The following LPCAT2 variants were observed in gnomAD, a reference collection of about 807,000 sequenced individuals.
The protein encoded by LPCAT2 is lysophosphatidylcholine acyltransferase 2.
A neutral mutation model predicts 64.7 loss-of-function variants in LPCAT2; 58 were observed. That is an observed-to-expected ratio of 0.90 (90% CI 0.73 to 1.12). The LOEUF is 1.12. LPCAT2 is among the 50% of genes most tolerant of loss of function. LPCAT2 has a pLI of 0.00. For synonymous variants in LPCAT2, 252 were observed against 245.3 expected, an observed-to-expected ratio of 1.03 and a Z score of -0.26; for missense variants, 579 against 669.8, an observed-to-expected ratio of 0.86 and a Z score of 1.50.
chr16:55,569,985 A>G (rs1158289609), intron 11 of LPCAT2, among the ~76,000 whole-genome samples: 2 of 152,344 alleles, frequency 1.3e-5, no homozygotes, highest in South Asian at 2.1e-4. Context: ...TATAATTCAT[A>G]TAACTCCATG....
In LPCAT2 at chr16:55,584,427, T is replaced by C. The variant is rs1223081707; in HGVS notation, c.*1329T>C. On this transcript the variant is annotated 3_prime_UTR_variant, in exon 14 of 14. Coordinates refer to ENST00000262134, the MANE Select transcript of LPCAT2 (RefSeq NM_017839.5). ...CCCAGGCAGGAATCCAACAGTAACATTTTTCCTTTAGGTTAAGCAGTAATT... is the reference window on the plus strand; with the variant it reads ...CCCAGGCAGGAATCCAACAGTAACACTTTTCCTTTAGGTTAAGCAGTAATT... The C allele has an allele frequency of 6.6e-6, 1 of 152,188 alleles. No homozygotes were observed. Among genetic ancestry groups the C allele is most frequent in the African/African-American group, 2.4e-5 (1 of 41,448 alleles). 9.4% of individuals were successfully genotyped at this position (152,188 alleles called of 1,614,324 possible).
intron 11 of LPCAT2, among the ~76,000 whole-genome samples, chr16:55,563,098 G>A (rs530123752): frequency 1.3e-5 from 2 of 151,918 alleles, no homozygotes; most frequent in African/African-American, 4.8e-5. Context: ...TGAGTACTAC[G>A]AACAACTGTA....
At chr16:55,517,433 A>G (rs1336878391) in intron 1 of LPCAT2, among the ~76,000 whole-genome samples, 3 of 152,134 alleles carry the variant, frequency 2.0e-5, no homozygotes, top group African/African-American at 7.2e-5. Context: ...ATTAATGCCA[A>G]TCCTTCACAA....
intron 6 of LPCAT2, 103 bp downstream of exon 6, chr16:55,532,985 G>A (rs1596860035): frequency 1.1e-6 from 1 of 930,488 alleles, no homozygotes; most frequent in Non-Finnish European, 1.6e-6. Context: ...ACAGATAAAT[G>A]GTGGAAGCAA....
Position 55,549,307 on chromosome 16 carries a change from C to T in LPCAT2, c.966C>T (p.Thr322=). The change falls in exon 10 of 14, where the codon ACC becomes ACT. Residue 322 remains threonine (T), a synonymous_variant. Coordinates refer to ENST00000262134, the MANE Select transcript of LPCAT2 (RefSeq NM_017839.5). The part of the protein sequence containing the change: ...EALGIPVTDH[T]YEDCRLMISA... ...TGGGAATACCAGTAACAGATCATAC[C>T]TATGAAGACTGCAGATTGATGATTT... is the stretch of plus-strand genomic sequence containing the variant. The T allele has an allele frequency of 6.2e-7, 1 of 1,600,968 alleles. No individual in the cohort carries two copies. The highest frequency in any genetic ancestry group is 8.5e-7 in the Non-Finnish European group (1 of 1,174,310).
intron 1 of LPCAT2, among the ~76,000 whole-genome samples, chr16:55,511,909 A>G (rs944215919): frequency 1.3e-5 from 2 of 152,152 alleles, no homozygotes; most frequent in Non-Finnish European, 2.9e-5. Flanking sequence ...TTGTTTTTTA[A>G]TAATGATACC....
At chr16:55,521,502 A>G (rs1359198830) in intron 1 of LPCAT2, among the ~76,000 whole-genome samples, 1 of 151,782 alleles carries the variant, frequency 6.6e-6, no homozygotes, top group Non-Finnish European at 1.5e-5. Context: ...CCTTGATACC[A>G]AATCTGAAAA....
At chr16:55,509,863 G>A (rs928010815) in intron 1 of LPCAT2, among the ~76,000 whole-genome samples, 10 of 152,196 alleles carry the variant, frequency 6.6e-5, no homozygotes, top group African/African-American at 2.4e-4. Flanking sequence ...GCTGGCTGGT[G>A]GCGCAGGCTA....
intron 12 of LPCAT2, among the ~76,000 whole-genome samples, chr16:55,576,933 A>G (rs1188470749): frequency 2.6e-5 from 4 of 152,202 alleles, no homozygotes; most frequent in Non-Finnish European, 5.9e-5. Flanking sequence ...TACAGAAGTG[A>G]GAGACACCAA....
intron 11 of LPCAT2, chr16:55,566,841 A>G (rs1392138824): frequency 5.6e-6 from 9 of 1,613,868 alleles, no homozygotes; most frequent in Non-Finnish European, 7.6e-6. Flanking sequence ...AGGTGGTCAG[A>G]GAAGAGAAGG....
intron 3 of LPCAT2, among the ~76,000 whole-genome samples, chr16:55,529,430 T>A (rs1963220799): frequency 6.6e-6 from 1 of 152,202 alleles, no homozygotes; most frequent in Non-Finnish European, 1.5e-5. Flanking sequence ...TTTAAAAAAA[T>A]GTTCTACTGA....
intron 8 of LPCAT2, among the ~76,000 whole-genome samples, chr16:55,543,540 T>C (rs999649963): frequency 5.9e-5 from 9 of 152,160 alleles, no homozygotes; most frequent in African/African-American, 2.2e-4. Context: ...CAACTTACTG[T>C]TTTTTTCTTG....
At chr16:55,562,201 T>A (rs1466057144) in intron 11 of LPCAT2, among the ~76,000 whole-genome samples, 1 of 151,954 alleles carries the variant, frequency 6.6e-6, no homozygotes, top group Non-Finnish European at 1.5e-5. Flanking sequence ...TCTCATCTCA[T>A]TGTACTATTC....
chr16:55,509,969 G>A (rs1567387592), intron 1 of LPCAT2, among the ~76,000 whole-genome samples: 1 of 144,010 alleles, frequency 6.9e-6, no homozygotes, highest in Admixed American at 7.1e-5. Context: ...GATCTACTAC[G>A]GGAGAGTAGA....
At chr16:55,580,526 A>T (rs1316840586) in intron 13 of LPCAT2, among the ~76,000 whole-genome samples, 1 of 152,194 alleles carries the variant, frequency 6.6e-6, no homozygotes, top group Non-Finnish European at 1.5e-5. Flanking sequence ...TCTTTGCAGA[A>T]TACAGAATAT....
Position 55,528,673 on chromosome 16 carries a change from G to A in LPCAT2, c.529+79G>A. On this transcript the variant is annotated intron_variant, in intron 3 of 13. Coordinates refer to ENST00000262134, the MANE Select transcript of LPCAT2 (RefSeq NM_017839.5). ...TTAAAATAATCATATATAGTTCATT[G>A]ATAACCTTTTTAAAAAGTTTAAAAT... is the stretch of plus-strand genomic sequence containing the variant. 4 of 1,081,036 alleles carry A rather than the reference G, an allele frequency of 3.7e-6. No homozygotes were observed. The South Asian group carries it at 4.5e-5, about 12-fold the overall frequency. 67.0% of individuals were successfully genotyped at this position (1,081,036 alleles called of 1,614,324 possible).
intron 2 of LPCAT2, among the ~76,000 whole-genome samples, chr16:55,527,683 T>C (rs1963190715): frequency 6.6e-6 from 1 of 152,162 alleles, no homozygotes; most frequent in Admixed American, 6.5e-5. Flanking sequence ...TTTGATAAAT[T>C]AACTAATCTA....
At chr16:55,545,677 T>A in intron 8 of LPCAT2, 58 bp from the exon 9 acceptor site, 1 of 1,040,684 alleles carries the variant, frequency 9.6e-7, no homozygotes, top group Non-Finnish European at 1.5e-6. Flanking sequence ...TTAATTTACT[T>A]GGCATTTAAT....
chr16:55,547,817 G>GAGTGCAAT (rs1276156548), intron 9 of LPCAT2, among the ~76,000 whole-genome samples: 1 of 151,838 alleles, frequency 6.6e-6, no homozygotes, highest in East Asian at 1.9e-4. Flanking sequence ...ACTCAGGCTG[G>GAGTGCAAT]AGTGCAATGG....
Sources: gnomAD v4.1 joint callset for allele counts (sites outside exome capture counted in the v4.1 genomes callset) on GRCh38, gnomAD v4.1.1 for gene constraint, MANE v1.5 for transcripts, NCBI Gene and HGNC (gene_info 2026-07-23, HGNC 2026-07-21) for gene names.